The following SQOR variants were observed in gnomAD, a reference collection of about 807,000 sequenced individuals.
SQOR encodes the protein sulfide:quinone oxidoreductase, mitochondrial.
SQOR carries 39 observed loss-of-function variants against 48.6 expected under a neutral mutation model. The ratio of observed to expected loss-of-function variants is 0.80; its 90% CI spans 0.62 to 1.05. The LOEUF (loss-of-function observed/expected upper bound fraction) is 1.05. SQOR is among the 50% of genes least tolerant of loss of function. The probability of loss-of-function intolerance (pLI) is 0.00; values close to 1 mark genes in which losing one functional copy is unlikely to be tolerated. For missense variants in SQOR, 561 were observed against 559.9 expected, an observed-to-expected ratio of 1.00 and a Z score of -0.02; for synonymous variants, 220 against 206.2, an observed-to-expected ratio of 1.07 and a Z score of -0.57.
At chr15:45,668,317 G>A (rs952810672) in intron 3 of SQOR, among the ~76,000 whole-genome samples, 1 of 152,194 alleles carries the variant, frequency 6.6e-6, no homozygotes, top group South Asian at 2.1e-4. Context: ...TAGAGAAATT[G>A]TACTTTTCAC....
intron 3 of SQOR, among the ~76,000 whole-genome samples, chr15:45,663,580 A>C (rs925204425): frequency 2.6e-5 from 4 of 152,020 alleles, no homozygotes; most frequent in Non-Finnish European, 4.4e-5. Flanking sequence ...AGCCTGGGCA[A>C]CATAGTAAGA....
In SQOR at chr15:45,688,409, G is replaced by A; in HGVS notation, c.1116+5G>A. 2 of 1,588,072 alleles carry A rather than the reference G, an allele frequency of 1.3e-6. No individual in the cohort carries two copies. Among genetic ancestry groups the A allele is most frequent in the Non-Finnish European group, 1.7e-6 (2 of 1,163,054 alleles). On this transcript the variant is annotated splice_donor_5th_base_variant and intron_variant, in intron 8 of 9. Transcript: ENST00000260324. ...AATCAAACACCAACAAAGAAGGTTT[G>A]TATGCCTTGTAAGAATCACTGTCTC... is the stretch of plus-strand genomic sequence containing the variant.
chr15:45,659,421 C>A (rs1889681331), intron 2 of SQOR, among the ~76,000 whole-genome samples: 1 of 152,144 alleles, frequency 6.6e-6, no homozygotes, highest in South Asian at 2.1e-4. Flanking sequence ...CAAATTACTG[C>A]AAATTGGGTG....
intron 1 of SQOR, among the ~76,000 whole-genome samples, chr15:45,645,175 G>A (rs1327204462): frequency 1.3e-5 from 2 of 152,174 alleles, no homozygotes; most frequent in African/African-American, 2.4e-5. Context: ...TACTGGACAC[G>A]TTACTTGCAT....
At position 45,658,982 on chromosome 15, in the gene SQOR, T is replaced by C; in HGVS notation, c.59T>C (p.Leu20Pro). 1.9e-6 allele frequency: 3 copies of C among 1,598,606 alleles called. No individual in the cohort carries two copies. Among genetic ancestry groups the C allele is most frequent in the Non-Finnish European group, 2.6e-6 (3 of 1,171,520 alleles). ...CGTGCCCAGCTCTTTGCCTGCCTGC[T>C]CAGGCTGGGCACTCAGCAGGTCGGC... Reference protein sequence around the residue: ...GPRAQLFACLLRLGTQQVGPL... With the variant: ...GPRAQLFACLPRLGTQQVGPL... The change falls in exon 2 of 10, where the codon CTC becomes CCC. Residue 20 changes from leucine (L) to proline (P), a missense_variant. Coordinates refer to ENST00000260324, the MANE Select transcript of SQOR (RefSeq NM_021199.4).
rs1017486839 is a variant in SQOR at position 45,668,516 on chromosome 15, C to T, written c.406-1412C>T. ...TCATGCACACTATGCTGGGGAGCTC[C>T]TGGGAGGGGCCAGTGGTGAGGGTGA... On this transcript the variant is annotated intron_variant, in intron 3 of 9. Coordinates refer to ENST00000260324, the MANE Select transcript of SQOR (RefSeq NM_021199.4). 9.2e-5 allele frequency among the ~76,000 whole-genome samples: 14 copies of T among 152,172 alleles called. 1 individual carries two copies. The highest frequency in any genetic ancestry group is 7.3e-5 in the Non-Finnish European group (5 of 68,028).
At chr15:45,673,543 A>G (rs1889978731) in intron 4 of SQOR, 64 bp from the exon 5 acceptor site, 1 of 1,519,626 alleles carries the variant, frequency 6.6e-7, no homozygotes, top group Admixed American at 1.9e-5. Context: ...GAAATGGCAA[A>G]GAACAAGGAC....
chr15:45,632,181 C>T (rs1174282878), upstream of SQOR, among the ~76,000 whole-genome samples: 1 of 135,816 alleles, frequency 7.4e-6, no homozygotes, highest in Non-Finnish European at 1.6e-5. Context: ...AGGACATTTC[C>T]CTCCCCCTCC....
chr15:45,632,763 A>G (rs973596666), upstream of SQOR, among the ~76,000 whole-genome samples: 2 of 152,020 alleles, frequency 1.3e-5, no homozygotes, highest in African/African-American at 4.8e-5. Flanking sequence ...GAGAGTGGGA[A>G]CCAAGGAAGC....
intron 1 of SQOR, among the ~76,000 whole-genome samples, chr15:45,646,168 C>T (rs1895201971): frequency 6.6e-6 from 1 of 152,202 alleles, no homozygotes; most frequent in South Asian, 2.1e-4. Context: ...TAGAGGCCGG[C>T]CCCTCTAGGA....
intron 3 of SQOR, among the ~76,000 whole-genome samples, chr15:45,662,783 T>C (rs1353166809): frequency 6.6e-6 from 1 of 152,210 alleles, no homozygotes; most frequent in Non-Finnish European, 1.5e-5. Context: ...GCAGCTTTCT[T>C]TTCCCCCACC....
At chr15:45,651,708 A>G (rs1019299367) in intron 1 of SQOR, among the ~76,000 whole-genome samples, 19 of 152,106 alleles carry the variant, frequency 1.2e-4, no homozygotes, top group Non-Finnish European at 2.6e-4. Flanking sequence ...GCCTCAAGCA[A>G]TCCTCCCACC....
intron 1 of SQOR, among the ~76,000 whole-genome samples, chr15:45,650,138 T>C (rs995707479): frequency 6.6e-6 from 1 of 152,056 alleles, no homozygotes; most frequent in African/African-American, 2.4e-5. Context: ...CCACTGTGCC[T>C]GACTTTTTTT....
At position 45,659,154 on chromosome 15, in the gene SQOR, T is replaced by C. The variant is rs1357640735; in HGVS notation, c.231T>C (p.Ser77=). ...GAENVAIVEP[S]ERHFYQPIWT... ...AGAATGTGGCCATTGTTGAGCCCAG[T>C]GAGGTAAGCCTCCCCTTTTGAGGGC... The change falls in exon 2 of 10, where the codon AGT becomes AGC. Residue 77 remains serine, a synonymous_variant. Coordinates refer to ENST00000260324, the MANE Select transcript of SQOR (RefSeq NM_021199.4). 6.6e-7 allele frequency: 1 copy of C among 1,524,212 alleles called. No individual in the cohort carries two copies. 94.4% of individuals were successfully genotyped at this position (1,524,212 alleles called of 1,614,324 possible). A position where few individuals can be genotyped will look rare whatever the true frequency, so the allele number is the denominator to read the frequency against.
At position 45,682,359 on chromosome 15, in the gene SQOR, T is replaced by G; in HGVS notation, c.865-119T>G. On this transcript the variant is annotated intron_variant, in intron 6 of 9. Coordinates refer to ENST00000260324, the MANE Select transcript of SQOR (RefSeq NM_021199.4). The stretch of plus-strand genomic sequence containing the variant: ...GGGCGTGGACTGGTACAAGTGCTGA[T>G]TGTATAATGCTCCATGCAGCCATAG... 4 of 1,030,200 alleles carry G rather than the reference T, an allele frequency of 3.9e-6. No homozygotes were observed. The South Asian group carries it at 6.3e-5, about 16-fold the overall frequency. The allele number at this position is 1,030,200 out of a possible 1,614,324, so 63.8% of individuals were successfully genotyped here. A position where few individuals can be genotyped will look rare whatever the true frequency, so the allele number is the denominator to read the frequency against.
At chr15:45,675,419 G>A (rs1457450096) in intron 5 of SQOR, among the ~76,000 whole-genome samples, 1 of 148,960 alleles carries the variant, frequency 6.7e-6, no homozygotes, top group South Asian at 2.2e-4. Flanking sequence ...TTTGGAGACA[G>A]AATTTTGCTC....
At chr15:45,640,629 A>G (rs920650156) in intron 1 of SQOR, among the ~76,000 whole-genome samples, 6 of 152,176 alleles carry the variant, frequency 3.9e-5, no homozygotes, top group African/African-American at 1.4e-4. Flanking sequence ...GACCTCACAC[A>G]CTGGATTCCA....
intron 6 of SQOR, among the ~76,000 whole-genome samples, chr15:45,678,634 G>T (rs1278519837): frequency 6.6e-6 from 1 of 151,850 alleles, no homozygotes; most frequent in Non-Finnish European, 1.5e-5. Context: ...GCAGCTCAGG[G>T]TCATCATTTT....
intron 1 of SQOR, among the ~76,000 whole-genome samples, chr15:45,651,373 C>G (rs772135127): frequency 6.6e-6 from 1 of 152,182 alleles, no homozygotes; most frequent in African/African-American, 2.4e-5. Flanking sequence ...CCCCGGTTCC[C>G]GCCCGCGCCT....
Sources: gnomAD v4.1 joint callset for allele counts (sites outside exome capture counted in the v4.1 genomes callset) on GRCh38, gnomAD v4.1.1 for gene constraint, MANE v1.5 for transcripts, NCBI Gene and HGNC (gene_info 2026-07-23, HGNC 2026-07-21) for gene names.